The following CSGALNACT1 variants were observed in gnomAD, a reference collection of about 807,000 sequenced individuals.
CSGALNACT1 encodes beta4GalNAcT-1.
In CSGALNACT1, 52 loss-of-function variants were observed where a neutral mutation model predicts 51.0. The observed-to-expected ratio is 1.02, with a 90% CI of 0.82 to 1.29. CSGALNACT1 has a LOEUF of 1.29. CSGALNACT1 is among the 50% of genes most tolerant of loss of function. CSGALNACT1 has a pLI of 0.00. For synonymous variants in CSGALNACT1, 341 were observed against 254.4 expected (o/e 1.34, Z -3.24); for missense variants, 935 against 679.2 (o/e 1.38, Z -4.19).
Position 19,477,681 on chromosome 8 carries a change from C to A in CSGALNACT1, c.635-19039G>T, listed in dbSNP as rs116074819. On this transcript the variant is annotated intron_variant, in intron 4 of 9. Transcript: ENST00000454498. ...AGCCGGGTGTGAGCCCCAGCTGTGTCATTTTGGGCAAGGTGCTTAACCTTT... is the reference window on the plus strand; with the variant it reads ...AGCCGGGTGTGAGCCCCAGCTGTGTAATTTTGGGCAAGGTGCTTAACCTTT... Among the ~76,000 whole-genome samples, 711 of 152,306 alleles carry A rather than the reference C, an allele frequency of 4.7e-3. 9 individuals carry two copies. The highest frequency in any genetic ancestry group is 0.016 in the African/African-American group (679 of 41,570).
chr8:19,655,548 G>GCA (rs369486997), intron 1 of CSGALNACT1, among the ~76,000 whole-genome samples: 65,603 of 144,214 alleles, frequency 0.45, 15,584 homozygotes, highest in African/African-American at 0.51. Flanking sequence ...ACATCTATAT[G>GCA]CACATATATA....
intron 3 of CSGALNACT1, chr8:19,591,067 C>T (rs1419298160): frequency 1.3e-5 from 2 of 152,136 alleles, no homozygotes; most frequent in South Asian, 4.1e-4. Flanking sequence ...TCAACTATAC[C>T]TCTTGGTCAA....
intron 3 of CSGALNACT1, among the ~76,000 whole-genome samples, chr8:19,566,321 G>C (rs981167993): frequency 1.3e-5 from 2 of 151,954 alleles, no homozygotes; most frequent in Admixed American, 6.6e-5. Flanking sequence ...AAGAAACAAA[G>C]AATTTGTTCT....
At chr8:19,628,657 T>C (rs1325560416) in intron 1 of CSGALNACT1, among the ~76,000 whole-genome samples, 1 of 152,126 alleles carries the variant, frequency 6.6e-6, no homozygotes, top group African/African-American at 2.4e-5. Flanking sequence ...AATAGGCTTT[T>C]TTTTTTTGTT....
chr8:19,754,077 G>T (rs1245522581), intron 1 of CSGALNACT1, among the ~76,000 whole-genome samples: 1 of 152,124 alleles, frequency 6.6e-6, no homozygotes, highest in East Asian at 1.9e-4. Context: ...GCCCAGGCTG[G>T]AGGGCAGTGG....
chr8:19,618,945 A>C (rs2053450530), intron 1 of CSGALNACT1, among the ~76,000 whole-genome samples: 1 of 152,096 alleles, frequency 6.6e-6, no homozygotes, highest in African/African-American at 2.4e-5. Flanking sequence ...GCAGGTGATA[A>C]AACAGGCAAA....
chr8:19,488,396 TATATA>T (rs1462996451), intron 4 of CSGALNACT1, among the ~76,000 whole-genome samples: 1 of 94,818 alleles, frequency 1.1e-5, no homozygotes, highest in Non-Finnish European at 2.3e-5. Flanking sequence ...TATATATATA[TATATA>T]TATATATATA....
At chr8:19,696,854 G>A (rs1179042598) in intron 1 of CSGALNACT1, among the ~76,000 whole-genome samples, 4 of 152,118 alleles carry the variant, frequency 2.6e-5, no homozygotes, top group Non-Finnish European at 4.4e-5. Context: ...AATCTTAAAC[G>A]CTGAGTGGGC....
chr8:19,642,947 A>G (rs973743936), intron 1 of CSGALNACT1, among the ~76,000 whole-genome samples: 3 of 152,200 alleles, frequency 2.0e-5, no homozygotes, highest in Admixed American at 2.0e-4. Flanking sequence ...TGTAAATAAT[A>G]CAGTTAAAGT....
intron 1 of CSGALNACT1, among the ~76,000 whole-genome samples, chr8:19,632,774 T>C (rs1248252389): frequency 6.6e-6 from 1 of 152,072 alleles, no homozygotes; most frequent in Non-Finnish European, 1.5e-5. Flanking sequence ...TTACTTTTAT[T>C]TGACACAATC....
intron 1 of CSGALNACT1, among the ~76,000 whole-genome samples, chr8:19,666,767 GA>G (rs1564382463): frequency 0.044 from 347 of 7,926 alleles, 11 homozygotes; most frequent in African/African-American, 0.12. Flanking sequence ...AAAGAAGAAA[GA>G]AAGAAAGAAA....
chr8:19,425,752 T>C (rs2058677278), intron 6 of CSGALNACT1, among the ~76,000 whole-genome samples: 1 of 152,210 alleles, frequency 6.6e-6, no homozygotes, highest in Non-Finnish European at 1.5e-5. Context: ...TCCCTCAGTC[T>C]CTTTTTGGTT....
intron 5 of CSGALNACT1, among the ~76,000 whole-genome samples, chr8:19,448,237 T>A (rs1354744422): frequency 6.6e-6 from 1 of 152,228 alleles, no homozygotes; most frequent in Non-Finnish European, 1.5e-5. Flanking sequence ...ACTCATATTA[T>A]GTGGTCTAGG....
At chr8:19,653,198 C>T (rs1437100492) in intron 1 of CSGALNACT1, among the ~76,000 whole-genome samples, 1 of 152,144 alleles carries the variant, frequency 6.6e-6, no homozygotes, top group Non-Finnish European at 1.5e-5. Context: ...TTTTGCTTCC[C>T]TTCAACCCAC....
intron 3 of CSGALNACT1, among the ~76,000 whole-genome samples, chr8:19,588,834 C>T (rs938318793): frequency 6.6e-6 from 1 of 152,158 alleles, no homozygotes; most frequent in Non-Finnish European, 1.5e-5. Context: ...CATATACTAC[C>T]TTAGCTCCTC....
At chr8:19,515,426 G>A (rs549340709) in intron 3 of CSGALNACT1, among the ~76,000 whole-genome samples, 2 of 152,332 alleles carry the variant, frequency 1.3e-5, no homozygotes, top group African/African-American at 4.8e-5. Flanking sequence ...GAATGGGCTT[G>A]CAAATGACTT....
Position 19,757,059 on chromosome 8 carries a change from G to A in CSGALNACT1, c.-297+791C>T, listed in dbSNP as rs116974592. ...GGCACCGTCCTCCGCAGCTGCACGA[G>A]CCACCCCGAGGTCGCGGGGTGGGCG... On this transcript the variant is annotated intron_variant, in intron 1 of 1. Transcript: ENST00000517494. The surrounding 1 kb of genome is among the most constrained non-coding windows in gnomAD (Gnocchi z 4.0). 13,022 of 150,484 alleles carry A rather than the reference G, an allele frequency of 0.087. 759 individuals carry two copies. Among genetic ancestry groups the A allele is most frequent in the East Asian group, 0.24 (1,227 of 5,052 alleles). 9.3% of individuals were successfully genotyped at this position (150,484 alleles called of 1,614,324 possible).
intron 3 of CSGALNACT1, among the ~76,000 whole-genome samples, chr8:19,522,800 C>T (rs6992386): frequency 0.28 from 41,816 of 152,050 alleles, 7,087 homozygotes; most frequent in African/African-American, 0.49. Context: ...AATACACTAA[C>T]GTTCTAATTT....
At chr8:19,535,251 G>T (rs1167752802) in intron 3 of CSGALNACT1, among the ~76,000 whole-genome samples, 2 of 151,822 alleles carry the variant, frequency 1.3e-5, no homozygotes, top group Non-Finnish European at 2.9e-5. Flanking sequence ...ATGAAATCTG[G>T]CTCTCTAGAA....
Sources: allele counts gnomAD v4.1 joint callset (sites outside exome capture counted in the v4.1 genomes callset), GRCh38; gene constraint gnomAD v4.1.1; non-coding constraint Gnocchi (gnomAD v3.1); transcripts MANE v1.5; gene names NCBI Gene and HGNC (gene_info 2026-07-23, HGNC 2026-07-21).